CACNA1H: variants seen among roughly 807,000 people sequenced by gnomAD.
CACNA1H encodes the protein calcium voltage-gated channel subunit alpha1 H.
CACNA1H carries 149 observed loss-of-function variants against 192.5 expected under a neutral mutation model. The observed-to-expected ratio is 0.77, with a 90% CI of 0.68 to 0.89. The LOEUF (loss-of-function observed/expected upper bound fraction) is 0.89, where lower values mean the gene tolerates loss of function less well. Among genes scored for constraint, CACNA1H ranks in the 40% least tolerant of loss-of-function variants. The pLI, the probability that CACNA1H is intolerant of heterozygous loss-of-function variation, is 0.00. For missense variants in CACNA1H, 4,257 were observed against 3,423.5 expected (o/e 1.24, Z -6.08); for synonymous variants, 2,202 against 1,475.2 (o/e 1.49, Z -11.29).
chr16:1,181,077 G>C (rs946513242), intron 2 of CACNA1H, among the ~76,000 whole-genome samples: 2 of 152,232 alleles, frequency 1.3e-5, no homozygotes, highest in Non-Finnish European at 2.9e-5. Context: ...CGCTCAGGCA[G>C]TTATTTCTGG....
At chr16:1,216,406 C>T (rs1041188945) in intron 30 of CACNA1H, among the ~76,000 whole-genome samples, 24 of 152,324 alleles carry the variant, frequency 1.6e-4, no homozygotes, top group African/African-American at 5.8e-4. Flanking sequence ...CGCCGCCCAG[C>T]GGGGCAGTGT....
At position 1,200,560 on chromosome 16, in the gene CACNA1H, G is replaced by A. The variant is rs866199752; in HGVS notation, c.1108G>A (p.Ala370Thr). The A allele has an allele frequency of 1.9e-6, 3 of 1,611,536 alleles. No homozygotes were observed. The highest frequency in any genetic ancestry group is 2.7e-5 in the African/African-American group (2 of 74,916). The change falls in exon 7 of 35, where the codon GCC becomes ACC. Residue 370 changes from alanine to threonine, a missense_variant. Physicochemically the swap from Ala to Thr is moderately conservative, Grantham distance 58 (BLOSUM62 0). Coordinates refer to ENST00000348261, the MANE Select transcript of CACNA1H (RefSeq NM_021098.3). The stretch of plus-strand genomic sequence containing the variant: ...CGACAACATCGGCTACGCCTGGATT[G>A]CCATCTTCCAGGTGGGCGGCAAGAT... ...NFDNIGYAWI[A>T]IFQVITLEGW...
chr16:1,220,997 C>G lies in CACNA1H; in HGVS notation c.*3C>G. 1 of 1,563,768 alleles carries G rather than the reference C, an allele frequency of 6.4e-7. No individual in the cohort carries two copies. The highest frequency in any genetic ancestry group is 8.6e-7 in the Non-Finnish European group (1 of 1,157,844). ...GTGGTGCAGATGACCCCGTGTAGCT[C>G]GGGGCTTGGTGCCGCCCACGGCTTT... On this transcript the variant is annotated 3_prime_UTR_variant, in exon 35 of 35. Transcript: ENST00000348261.
rs750666820 is a variant in CACNA1H at position 1,220,192 on chromosome 16, G to A, written c.6260G>A (p.Gly2087Asp). The part of the protein sequence containing the change: ...RCVSSRPAAP[G>D]GEEAEASDPA... Reference sequence around the variant, plus strand: ...GTCTCCAGCCGGCCGGCGGCCCCAGGCGGAGAGGAGGCCGAGGCCTCGGAC... The same window carrying A: ...GTCTCCAGCCGGCCGGCGGCCCCAGACGGAGAGGAGGCCGAGGCCTCGGAC... The change falls in exon 35 of 35, where the codon GGC (glycine) becomes GAC (aspartate). Residue 2087 changes from glycine to aspartate, a missense_variant. Coordinates refer to ENST00000348261, the MANE Select transcript of CACNA1H (RefSeq NM_021098.3). The A allele has an allele frequency of 9.1e-6, 14 of 1,539,798 alleles. No homozygotes were observed. Among genetic ancestry groups the A allele is most frequent in the African/African-American group, 1.4e-5 (1 of 70,098 alleles).
At position 1,200,529 on chromosome 16, in the gene CACNA1H, C is replaced by G. The variant is rs1044602233; in HGVS notation, c.1077C>G (p.Ile359Met). The G allele has an allele frequency of 7.4e-6, 12 of 1,612,320 alleles. No individual in the cohort carries two copies. Among genetic ancestry groups the G allele is most frequent in the Middle Eastern group, 1.7e-4 (1 of 6,060 alleles). The stretch of plus-strand genomic sequence containing the variant: ...ACTCCAACCCCCACAACGGTGCCAT[C>G]AACTTCGACAACATCGGCTACGCCT... ...SGDSNPHNGA[I>M]NFDNIGYAWI... is the part of the protein sequence containing the mutation. The change falls in exon 7 of 35, where the codon ATC (isoleucine) becomes ATG (methionine). Residue 359 changes from isoleucine to methionine, a missense_variant. By Grantham distance (10) the Ile-to-Met change is conservative. Coordinates refer to ENST00000348261, the MANE Select transcript of CACNA1H (RefSeq NM_021098.3).
At position 1,215,523 on chromosome 16, in the gene CACNA1H, T is replaced by C; in HGVS notation, c.5174T>C (p.Val1725Ala). Residue 1725 changes from valine (V) to alanine (A), a missense_variant and splice_region_variant, in exon 30 of 35, where the codon GTG becomes GCG. By Grantham distance (64) the Val-to-Ala change is moderately conservative. Transcript: ENST00000348261. ...GCTGACGCTCAGCTCCCGGCCCTAG[T>C]GCTGAAGCTGCTGAAGATGGCTACG... ...RIMRVLRIAR[V>A]LKLLKMATGM... is the part of the protein sequence containing the mutation. 1 of 1,611,242 alleles carries C rather than the reference T, an allele frequency of 6.2e-7. No individual in the cohort carries two copies. Among genetic ancestry groups the C allele is most frequent in the South Asian group, 1.1e-5 (1 of 90,730 alleles).
chr16:1,180,137 C>T lies in CACNA1H; in HGVS notation c.300-14835C>T, dbSNP rs141109376. ...GCGTCGTGTGGATGGACGGCCAGCCCGTTGGGTGCCCTGGCTGGGTCCCTG... is the reference window on the plus strand; with the variant it reads ...GCGTCGTGTGGATGGACGGCCAGCCTGTTGGGTGCCCTGGCTGGGTCCCTG... On this transcript the variant is annotated intron_variant, in intron 2 of 34. Coordinates refer to ENST00000348261, the MANE Select transcript of CACNA1H (RefSeq NM_021098.3). This position sits in a 1 kb window ranked among gnomAD's most constrained non-coding sequence, Gnocchi z 4.4. Among the ~76,000 whole-genome samples the T allele has an allele frequency of 4.6e-5, 7 of 152,072 alleles. No individual in the cohort carries two copies. The highest frequency in any genetic ancestry group is 1.9e-4 in the East Asian group (1 of 5,148).
Position 1,215,382 on chromosome 16 carries a change from G to A in CACNA1H, c.5173+7G>A, listed in dbSNP as rs776120938. 1.3e-6 allele frequency: 2 copies of A among 1,495,456 alleles called. No individual in the cohort carries two copies. The highest frequency in any genetic ancestry group is 2.3e-5 in the South Asian group (2 of 88,550). 92.6% of individuals were successfully genotyped at this position (1,495,456 alleles called of 1,614,324 possible). On this transcript the variant is annotated splice_region_variant and intron_variant, in intron 29 of 34. Transcript: ENST00000348261. ...GTGCTTCGCATTGCCCGTGGTAGGT[G>A]CCCGCGTGCCCGCCAGGTTCTCTCT... is the stretch of plus-strand genomic sequence containing the variant.
chr16:1,164,125 A>C (rs561149554), intron 2 of CACNA1H, among the ~76,000 whole-genome samples: 4 of 152,202 alleles, frequency 2.6e-5, no homozygotes, highest in African/African-American at 9.7e-5. Context: ...CCACAGAAGC[A>C]AGGGCCCTGG....
At chr16:1,195,658 A>AGG (rs1442465178) in intron 4 of CACNA1H, 93 bp downstream of exon 4, 1 of 1,409,452 alleles carries the variant, frequency 7.1e-7, no homozygotes, top group Non-Finnish European at 9.7e-7. Flanking sequence ...GAAAAATGGG[A>AGG]GGTGTGTTCT....
intron 2 of CACNA1H, among the ~76,000 whole-genome samples, chr16:1,165,294 C>T (rs1567441244): frequency 1.3e-5 from 2 of 152,184 alleles, no homozygotes; most frequent in African/African-American, 4.8e-5. Flanking sequence ...GGCCTGGGGG[C>T]AAAGGCTCAG....
chr16:1,195,527 C>T lies in CACNA1H; in HGVS notation c.507C>T (p.Asp169=), dbSNP rs1185429745. The change falls in exon 4 of 35, where the codon GAC becomes GAT. Residue 169 remains aspartate (D), a synonymous_variant. Transcript: ENST00000348261. ...TCGGGCAGAAGTGTTACCTGGGTGA[C>T]ACGTGGAACAGGCTGGATTTCTTCA... ...GLFGQKCYLG[D]TWNRLDFFIV... 1 of 1,605,604 alleles carries T rather than the reference C, an allele frequency of 6.2e-7. No individual in the cohort carries two copies. The highest frequency in any genetic ancestry group is 8.5e-7 in the Non-Finnish European group (1 of 1,176,434).
chr16:1,209,848 G>C (rs1018172697), intron 17 of CACNA1H, among the ~76,000 whole-genome samples, 187 bp from the exon 18 acceptor site: 3 of 152,238 alleles, frequency 2.0e-5, no homozygotes, highest in African/African-American at 7.2e-5. Context: ...GCGTAGGGAA[G>C]GGGGAGGCTC....
At chr16:1,216,300 G>GT (rs1206520644) in intron 30 of CACNA1H, among the ~76,000 whole-genome samples, 2 of 152,238 alleles carry the variant, frequency 1.3e-5, no homozygotes, top group African/African-American at 4.8e-5. Flanking sequence ...CTTCGTCCAA[G>GT]TAACACTCCC....
rs182289223 is a variant in CACNA1H at position 1,188,498 on chromosome 16, C to T, written c.300-6474C>T. On this transcript the variant is annotated intron_variant, in intron 2 of 34. Transcript: ENST00000348261. ...AATCCCAGGTCTCCAGCATCTTCGG[C>T]GCAGAGATAGCAGCTGCCAGGGTTC... Among the ~76,000 whole-genome samples the T allele has an allele frequency of 4.5e-3, 692 of 152,210 alleles. 1 individual carries two copies. The highest frequency in any genetic ancestry group is 6.0e-3 in the Admixed American group (92 of 15,294).
In CACNA1H at chr16:1,214,974, G is replaced by T. The variant is rs58764017; in HGVS notation, c.4932G>T (p.Ser1644=). Residue 1644 remains serine (S), a splice_region_variant and synonymous_variant, in exon 28 of 35, where the codon TCG becomes TCT. Coordinates refer to ENST00000348261, the MANE Select transcript of CACNA1H (RefSeq NM_021098.3). Reference sequence around the variant, plus strand: ...CCAGCCCGACCCTCCACCCCCAGTCGCTGGACGAGGCCCTCAAGTACTGCA... The same window carrying T: ...CCAGCCCGACCCTCCACCCCCAGTCTCTGGACGAGGCCCTCAAGTACTGCA... The part of the protein sequence containing the change: ...MSMEHYNQPK[S]LDEALKYCNY... 6 of 1,603,808 alleles carry T rather than the reference G, an allele frequency of 3.7e-6. No homozygotes were observed. The highest frequency in any genetic ancestry group is 1.3e-5 in the African/African-American group (1 of 74,728).
At chr16:1,153,658 C>A in intron 1 of CACNA1H, 62 bp from the exon 2 acceptor site, 10 of 1,053,154 alleles carry the variant, frequency 9.5e-6, no homozygotes, top group Non-Finnish European at 1.2e-5. Flanking sequence ...CGCAGCTCCG[C>A]GCCGCGGGAG....
chr16:1,183,772 G>A (rs957828382), intron 2 of CACNA1H, among the ~76,000 whole-genome samples: 3 of 152,258 alleles, frequency 2.0e-5, no homozygotes, highest in Non-Finnish European at 2.9e-5. Context: ...GCGTATACAC[G>A]GGTGAGCACG....
At position 1,210,075 on chromosome 16, in the gene CACNA1H, A is replaced by C; in HGVS notation, c.3785A>C (p.Lys1262Thr). The change falls in exon 18 of 35, where the codon AAG (lysine) becomes ACG (threonine). Residue 1262 changes from lysine (K) to threonine (T), a missense_variant. Coordinates refer to ENST00000348261, the MANE Select transcript of CACNA1H (RefSeq NM_021098.3). ...LRLHKVLEPYKPQWCRSREAW... is the reference protein window; with the variant it reads ...LRLHKVLEPYTPQWCRSREAW... ...CTGCATAAAGTGCTGGAGCCCTACA[A>C]GCCCCAGTGGTGCCGGAGCCGCGAG... 6.4e-7 allele frequency: 1 copy of C among 1,558,428 alleles called. No homozygotes were observed. Among genetic ancestry groups the C allele is most frequent in the Non-Finnish European group, 8.7e-7 (1 of 1,151,922 alleles).
Sources: allele counts gnomAD v4.1 joint callset (sites outside exome capture counted in the v4.1 genomes callset), GRCh38; gene constraint gnomAD v4.1.1; non-coding constraint Gnocchi (gnomAD v3.1); transcripts MANE v1.5; gene names NCBI Gene and HGNC (gene_info 2026-07-23, HGNC 2026-07-21).